The following PGM5 variants were observed in gnomAD, a reference collection of about 807,000 sequenced individuals.
The protein encoded by PGM5 is phosphoglucomutase 5, also known as phosphoglucomutase-like protein 5.
PGM5 carries 23 observed loss-of-function variants against 59.2 expected under a neutral mutation model. That is an observed-to-expected ratio of 0.39 (90% confidence interval 0.28 to 0.55). The LOEUF is 0.55. Among genes scored for constraint, PGM5 ranks in the 20% least tolerant of loss-of-function variants. PGM5 has a pLI of 0.66. For missense variants in PGM5, 574 were observed against 748.3 expected, an observed-to-expected ratio of 0.77 and a Z score of 2.72; for synonymous variants, 214 against 286.0, an observed-to-expected ratio of 0.75 and a Z score of 2.54.
chr9:68,445,073 T>G (rs1823590609), intron 6 of PGM5, among the ~76,000 whole-genome samples: 2 of 152,186 alleles, frequency 1.3e-5, no homozygotes, highest in Admixed American at 1.3e-4. Flanking sequence ...ATATATACTT[T>G]GGGTCTAGGG....
chr9:68,385,068 T>G (rs1822180872), intron 3 of PGM5, among the ~76,000 whole-genome samples: 1 of 152,008 alleles, frequency 6.6e-6, no homozygotes, highest in Admixed American at 6.6e-5. Context: ...ATCAAATATA[T>G]TTAGGCAAGT....
At chr9:68,409,929 C>T (rs1449598470) in intron 6 of PGM5, among the ~76,000 whole-genome samples, 4 of 151,264 alleles carry the variant, frequency 2.6e-5, no homozygotes, top group African/African-American at 4.9e-5. Flanking sequence ...TGAGGTGGTA[C>T]ATCTGACTTC....
intron 6 of PGM5, among the ~76,000 whole-genome samples, chr9:68,416,126 C>T (rs1472767306): frequency 1.3e-5 from 2 of 152,144 alleles, no homozygotes; most frequent in African/African-American, 2.4e-5. Context: ...GAATTCCTTC[C>T]ACAAATGCTC....
At chr9:68,404,312 A>G (rs1822747896) in intron 6 of PGM5, among the ~76,000 whole-genome samples, 1 of 152,126 alleles carries the variant, frequency 6.6e-6, no homozygotes, top group African/African-American at 2.4e-5. Context: ...TATTTTTACT[A>G]GAGACAGGGT....
intron 6 of PGM5, among the ~76,000 whole-genome samples, chr9:68,424,172 G>T (rs1411147394): frequency 6.6e-6 from 1 of 152,210 alleles, no homozygotes; most frequent in Non-Finnish European, 1.5e-5. Context: ...ATGTTGTTTA[G>T]TGTAGAAAAG....
intron 3 of PGM5, among the ~76,000 whole-genome samples, chr9:68,385,781 G>A (rs531356962): frequency 1.3e-5 from 2 of 152,094 alleles, no homozygotes; most frequent in South Asian, 4.1e-4. Context: ...ATCTTCGTGG[G>A]CTCTCATTCA....
intron 6 of PGM5, among the ~76,000 whole-genome samples, chr9:68,455,723 G>T (rs1192860881): frequency 1.3e-5 from 2 of 152,186 alleles, no homozygotes; most frequent in African/African-American, 4.8e-5. Flanking sequence ...GCTTCTCTGA[G>T]CCAGGTGGTG....
chr9:68,455,462 G>T (rs1327327566), intron 6 of PGM5, among the ~76,000 whole-genome samples: 1 of 151,210 alleles, frequency 6.6e-6, no homozygotes, highest in African/African-American at 2.4e-5. Context: ...AAAAGGAAGG[G>T]GAAATGTTCA....
At chr9:68,433,813 G>T (rs1587808549) in intron 6 of PGM5, among the ~76,000 whole-genome samples, 1 of 152,210 alleles carries the variant, frequency 6.6e-6, no homozygotes, top group African/African-American at 2.4e-5. Flanking sequence ...ATAAAATGAA[G>T]AGGTCAGGAA....
intron 6 of PGM5, among the ~76,000 whole-genome samples, chr9:68,427,959 A>G (rs1823265635): frequency 6.6e-6 from 1 of 152,206 alleles, no homozygotes; most frequent in Non-Finnish European, 1.5e-5. Context: ...TATGTTGAAC[A>G]CTGCACTGTT....
intron 9 of PGM5, among the ~76,000 whole-genome samples, chr9:68,494,920 G>T (rs1824458611): frequency 6.6e-6 from 1 of 152,224 alleles, no homozygotes; most frequent in Non-Finnish European, 1.5e-5. Context: ...AAATGCGAAG[G>T]CAGGCTCTCT....
chr9:68,411,353 A>G (rs1822926042), intron 6 of PGM5, among the ~76,000 whole-genome samples: 1 of 150,676 alleles, frequency 6.6e-6, no homozygotes, highest in African/African-American at 2.5e-5. Flanking sequence ...AGAGACATAC[A>G]GCGACCCTAT....
rs563613470 is a variant in PGM5, at chr9:68,454,828, A to G, written c.1044-10265A>G. On this transcript the variant is annotated intron_variant, in intron 6 of 10. Transcript: ENST00000396396. ...ACTCAGCCTTAGCTTTTGCTGTAAA[A>G]CTCTCACGTCCCACAAAAGAACATT... 2.0e-5 allele frequency among the ~76,000 whole-genome samples: 3 copies of G among 151,058 alleles called. No individual in the cohort carries two copies. The East Asian group carries it at 5.9e-4, about 30-fold the overall frequency.
At position 68,444,152 on chromosome 9, in the gene PGM5, G is replaced by A. The variant is rs534417460; in HGVS notation, c.1044-20941G>A. Among the ~76,000 whole-genome samples, 17 of 151,832 alleles carry A rather than the reference G, an allele frequency of 1.1e-4. No homozygotes were observed. The South Asian group carries it at 3.3e-3, about 30-fold the overall frequency. On this transcript the variant is annotated intron_variant, in intron 6 of 10. Transcript: ENST00000396396. ...AGATAGCCTTTTAGTTCAAGGATGG[G>A]GTGTTTTGGGATCAAAGACAGAAAT... is the stretch of plus-strand genomic sequence containing the variant.
At chr9:68,470,380 C>A (rs1193361631) in intron 7 of PGM5, among the ~76,000 whole-genome samples, 1 of 152,124 alleles carries the variant, frequency 6.6e-6, no homozygotes, top group African/African-American at 2.4e-5. Flanking sequence ...CACTTTATTT[C>A]CCCTGAGAGT....
chr9:68,515,125 A>C (rs1824806298), intron 10 of PGM5, among the ~76,000 whole-genome samples: 1 of 152,244 alleles, frequency 6.6e-6, no homozygotes, highest in Non-Finnish European at 1.5e-5. Context: ...TACTAGGAAA[A>C]GGTCAATTAT....
intron 4 of PGM5, among the ~76,000 whole-genome samples, chr9:68,389,336 A>G (rs1163276403): frequency 1.3e-5 from 2 of 152,114 alleles, no homozygotes; most frequent in African/African-American, 4.8e-5. Flanking sequence ...TGTAACCACT[A>G]TCACAATCAA....
At chr9:68,394,881 C>A (rs569636631) in intron 6 of PGM5, among the ~76,000 whole-genome samples, 1 of 152,140 alleles carries the variant, frequency 6.6e-6, no homozygotes, top group South Asian at 2.1e-4. Context: ...TTCAGCCTCC[C>A]AAAGTGCTGG....
chr9:68,493,382 G>A (rs975165885), intron 9 of PGM5, among the ~76,000 whole-genome samples: 3 of 152,154 alleles, frequency 2.0e-5, no homozygotes, highest in Non-Finnish European at 4.4e-5. Flanking sequence ...CAAAACATAA[G>A]ATATTGTTCA....
Sources: gnomAD v4.1 joint callset for allele counts (sites outside exome capture counted in the v4.1 genomes callset) on GRCh38, gnomAD v4.1.1 for gene constraint, MANE v1.5 for transcripts, NCBI Gene and HGNC (gene_info 2026-07-23, HGNC 2026-07-21) for gene names.